JAKMIP2: variants seen among roughly 807,000 people sequenced by gnomAD.
JAKMIP2 encodes janus kinase and microtubule interacting protein 2, also known as janus kinase and microtubule-interacting protein 2.
JAKMIP2 carries 25 observed loss-of-function variants against 115.0 expected under a neutral mutation model. That is an observed-to-expected ratio of 0.22 (90% confidence interval 0.16 to 0.30). The LOEUF (loss-of-function observed/expected upper bound fraction) is 0.30, where lower values mean the gene tolerates loss of function less well. Ranked by LOEUF, JAKMIP2 falls within the 10% of genes least tolerant of loss-of-function variation. The pLI, the probability that JAKMIP2 is intolerant of heterozygous loss-of-function variation, is 1.00. For missense variants in JAKMIP2, 642 were observed against 957.6 expected, an observed-to-expected ratio of 0.67 and a Z score of 4.35; for synonymous variants, 334 against 343.6, an observed-to-expected ratio of 0.97 and a Z score of 0.31.
At chr5:147,648,202 T>C (rs1228159625) in intron 5 of JAKMIP2, among the ~76,000 whole-genome samples, 174 bp downstream of exon 5, 1 of 152,160 alleles carries the variant, frequency 6.6e-6, no homozygotes, top group Non-Finnish European at 1.5e-5. Flanking sequence ...TAATCTTCCA[T>C]TTATTCATCT....
At chr5:147,655,008 T>C (rs751998118) in intron 3 of JAKMIP2, among the ~76,000 whole-genome samples, 28 of 152,228 alleles carry the variant, frequency 1.8e-4, no homozygotes, top group Non-Finnish European at 3.7e-4. Flanking sequence ...ATTACATTTA[T>C]TGATTTGCAT....
rs186797821 is a variant in JAKMIP2 at position 147,658,880 on chromosome 5, C to A, written c.627+2068G>T. On this transcript the variant is annotated intron_variant, in intron 3 of 21. Coordinates refer to ENST00000616793, the MANE Select transcript of JAKMIP2 (RefSeq NM_001270941.2). ...CAGTAATGACGGTCACTCCTCCCCC[C>A]ACCAAACTCAATCATCTCAGGCTGA... Among the ~76,000 whole-genome samples the A allele has an allele frequency of 7.2e-5, 11 of 152,248 alleles. No homozygotes were observed. The East Asian group carries it at 1.7e-3, about 24-fold the overall frequency.
chr5:147,720,557 C>G (rs1306588143), intron 1 of JAKMIP2, among the ~76,000 whole-genome samples: 103 of 150,664 alleles, frequency 6.8e-4, no homozygotes, highest in African/African-American at 2.5e-3. Flanking sequence ...TCTTTTTATT[C>G]TTTTTTCTCT....
intron 3 of JAKMIP2, 57 bp downstream of exon 3, chr5:147,660,891 C>T (rs1758920479): frequency 1.3e-6 from 2 of 1,573,748 alleles, no homozygotes; most frequent in East Asian, 4.5e-5. Flanking sequence ...CCCCACAGCG[C>T]TCTGAAACCT....
chr5:147,660,538 A>AAAAC (rs35456547), intron 3 of JAKMIP2: 89,703 of 427,776 alleles, frequency 0.21, 12,086 homozygotes, highest in East Asian at 0.45. Flanking sequence ...ACCCTCTATA[A>AAAAC]AAACAAACAA....
intron 1 of JAKMIP2, among the ~76,000 whole-genome samples, chr5:147,700,676 AG>A (rs1401327492): frequency 2.0e-5 from 3 of 152,204 alleles, no homozygotes; most frequent in African/African-American, 7.2e-5. Flanking sequence ...AACCAAGTCT[AG>A]ATTCTCAGCC....
At chr5:147,760,867 T>C (rs1337411246) in intron 1 of JAKMIP2, among the ~76,000 whole-genome samples, 1 of 152,010 alleles carries the variant, frequency 6.6e-6, no homozygotes, top group Non-Finnish European at 1.5e-5. Flanking sequence ...AGGAAAGACC[T>C]TGAGAGGTGA....
Position 147,648,375 on chromosome 5 carries a change from C to T in JAKMIP2, c.936+1G>A. 1 of 1,565,892 alleles carries T rather than the reference C, an allele frequency of 6.4e-7. No individual in the cohort carries two copies. The highest frequency in any genetic ancestry group is 8.8e-7 in the Non-Finnish European group (1 of 1,137,210). ...CAACAAAAATTTTTAGTATATCTCA[C>T]CAGTTCATTTCGTTCATCTCCAAGC... On this transcript the variant is annotated splice_donor_variant, in intron 5 of 21. Coordinates refer to ENST00000616793, the MANE Select transcript of JAKMIP2 (RefSeq NM_001270941.2). LOFTEE classifies it high-confidence loss of function.
At chr5:147,668,627 C>T (rs1759428566) in intron 2 of JAKMIP2, among the ~76,000 whole-genome samples, 1 of 152,100 alleles carries the variant, frequency 6.6e-6, no homozygotes, top group Admixed American at 6.5e-5. Flanking sequence ...ATGACAATGC[C>T]CACCTCAGCA....
chr5:147,681,995 G>A (rs557037279), intron 1 of JAKMIP2, among the ~76,000 whole-genome samples: 3 of 150,034 alleles, frequency 2.0e-5, no homozygotes, highest in East Asian at 2.0e-4. Flanking sequence ...AGCTGAGGTC[G>A]TGCCACTGCA....
At chr5:147,682,445 T>A (rs1440288262) in intron 1 of JAKMIP2, among the ~76,000 whole-genome samples, 1 of 152,178 alleles carries the variant, frequency 6.6e-6, no homozygotes, top group Non-Finnish European at 1.5e-5. Context: ...ACTAAGAAGG[T>A]GAACACAGGT....
intron 1 of JAKMIP2, among the ~76,000 whole-genome samples, chr5:147,743,417 C>T (rs1267146048): frequency 2.0e-5 from 3 of 152,132 alleles, no homozygotes; most frequent in African/African-American, 7.2e-5. Flanking sequence ...CTGTGCATCC[C>T]TCACAATAAA....
At chr5:147,684,303 A>C (rs1760467836) in intron 1 of JAKMIP2, among the ~76,000 whole-genome samples, 1 of 50,088 alleles carries the variant, frequency 2.0e-5, no homozygotes, top group Non-Finnish European at 3.3e-5. Context: ...GAGAACACAC[A>C]CACACACACA....
chr5:147,727,250 T>C (rs1283244986), intron 1 of JAKMIP2, among the ~76,000 whole-genome samples: 1 of 152,224 alleles, frequency 6.6e-6, no homozygotes, highest in Non-Finnish European at 1.5e-5. Context: ...AGTTAAGCCT[T>C]ATTGGTTTCA....
intron 1 of JAKMIP2, among the ~76,000 whole-genome samples, chr5:147,719,229 G>C (rs7718275): frequency 0.31 from 31,083 of 99,326 alleles, 5,429 homozygotes; most frequent in East Asian, 0.47. Flanking sequence ...GTTATAATTT[G>C]TGTTCTTTTA....
At chr5:147,597,233 C>T (rs1251477330) in intron 21 of JAKMIP2, among the ~76,000 whole-genome samples, 2 of 151,996 alleles carry the variant, frequency 1.3e-5, no homozygotes, top group South Asian at 2.1e-4. Context: ...GGTCATGTGG[C>T]CATTTGTTTT....
At chr5:147,650,191 T>C in intron 4 of JAKMIP2, 147 bp downstream of exon 4, 1 of 624,188 alleles carries the variant, frequency 1.6e-6, no homozygotes, top group Admixed American at 2.8e-5. Context: ...TAGAAAACCC[T>C]GTTCTCAAGA....
chr5:147,675,348 T>C lies in JAKMIP2; in HGVS notation c.-148-3394A>G, dbSNP rs77901944. On this transcript the variant is annotated intron_variant, in intron 1 of 21. Coordinates refer to ENST00000616793, the MANE Select transcript of JAKMIP2 (RefSeq NM_001270941.2). Reference sequence around the variant, plus strand: ...CTTAAGGTGAGCAACTTCATATCCATGGTCCTATACACCCCTCTGGTGGAG... The same window carrying C: ...CTTAAGGTGAGCAACTTCATATCCACGGTCCTATACACCCCTCTGGTGGAG... 6.3e-3 allele frequency among the ~76,000 whole-genome samples: 964 copies of C among 152,272 alleles called. 14 individuals carry two copies. The highest frequency in any genetic ancestry group is 0.022 in the African/African-American group (925 of 41,556).
At chr5:147,754,423 T>C (rs890361674) in intron 1 of JAKMIP2, among the ~76,000 whole-genome samples, 6 of 151,960 alleles carry the variant, frequency 3.9e-5, no homozygotes, top group Admixed American at 1.3e-4. Flanking sequence ...TCGAGACACA[T>C]GCTATAATAG....
Sources: allele counts gnomAD v4.1 joint callset (sites outside exome capture counted in the v4.1 genomes callset), GRCh38; gene constraint gnomAD v4.1.1; transcripts MANE v1.5; gene names NCBI Gene and HGNC (gene_info 2026-07-23, HGNC 2026-07-21).